GALNT13: variants seen among roughly 807,000 people sequenced by gnomAD.
GALNT13 encodes UDP-GalNAc:polypeptide N-acetylgalactosaminyltransferase 13.
Under a neutral mutation model 64.2 loss-of-function variants are expected in GALNT13, and 28 were observed. The observed-to-expected ratio is 0.44, with a 90% CI of 0.32 to 0.60. The LOEUF is 0.60. Among genes scored for constraint, GALNT13 ranks in the 20% least tolerant of loss-of-function variants. GALNT13 has a pLI of 0.05. For missense variants in GALNT13, 577 were observed against 669.8 expected (o/e 0.86, Z 1.53); for synonymous variants, 214 against 224.6 (o/e 0.95, Z 0.42).
At chr2:153,359,660 A>C in the GALNT13 span, among the ~76,000 whole-genome samples, 2 of 143,612 alleles carry the variant, frequency 1.4e-5, no homozygotes, top group African/African-American at 2.6e-5. Context: ...AAAAAAAAAA[A>C]AAAGTGACAT....
intron 3 of GALNT13, among the ~76,000 whole-genome samples, chr2:154,071,934 T>A (rs1700758822): frequency 6.6e-6 from 1 of 152,050 alleles, no homozygotes; most frequent in Non-Finnish European, 1.5e-5. Flanking sequence ...TGCCTTACAA[T>A]GAGAAAATAT....
At chr2:154,049,114 A>G (rs941735704) in intron 3 of GALNT13, among the ~76,000 whole-genome samples, 26 of 152,016 alleles carry the variant, frequency 1.7e-4, no homozygotes, top group African/African-American at 5.8e-4. Context: ...TTTGTAGTCC[A>G]TCAAAATGAT....
chr2:153,982,915 G>T (rs1694562439), intron 3 of GALNT13, among the ~76,000 whole-genome samples: 1 of 151,872 alleles, frequency 6.6e-6, no homozygotes, highest in Non-Finnish European at 1.5e-5. Flanking sequence ...AAGTTACCGG[G>T]TATATTTAAG....
At chr2:153,746,597 C>G in the GALNT13 span, among the ~76,000 whole-genome samples, 2 of 152,042 alleles carry the variant, frequency 1.3e-5, no homozygotes, top group Non-Finnish European at 2.9e-5. Flanking sequence ...CTGCTATGAA[C>G]ATTTTAGTAC....
intron 11 of GALNT13, among the ~76,000 whole-genome samples, chr2:154,429,945 T>G (rs988997038): frequency 6.6e-6 from 1 of 152,204 alleles, no homozygotes; most frequent in Non-Finnish European, 1.5e-5. Flanking sequence ...TGCAACATGG[T>G]GTACTAAATA....
chr2:154,390,402 A>T (rs367695182), intron 9 of GALNT13, among the ~76,000 whole-genome samples: 2 of 152,198 alleles, frequency 1.3e-5, no homozygotes, highest in African/African-American at 4.8e-5. Flanking sequence ...CCAATAGACT[A>T]CAGTGTGTAT....
the GALNT13 span, among the ~76,000 whole-genome samples, chr2:153,364,146 T>G: frequency 6.6e-6 from 1 of 152,328 alleles, no homozygotes; most frequent in East Asian, 1.9e-4. Flanking sequence ...ACCACATGAT[T>G]ATCTCAATAG....
At chr2:154,261,720 G>A (rs756562455) in intron 8 of GALNT13, among the ~76,000 whole-genome samples, 3 of 152,106 alleles carry the variant, frequency 2.0e-5, no homozygotes, top group Admixed American at 6.5e-5. Flanking sequence ...TGACAGAGAT[G>A]CGTAGGTGTT....
chr2:154,033,661 C>T (rs761556022), intron 3 of GALNT13, among the ~76,000 whole-genome samples: 5 of 152,196 alleles, frequency 3.3e-5, no homozygotes, highest in South Asian at 4.1e-4. Flanking sequence ...TGAAAGGGGC[C>T]GAGCGTGGTG....
At chr2:153,685,790 G>T in the GALNT13 span, among the ~76,000 whole-genome samples, 1 of 151,956 alleles carries the variant, frequency 6.6e-6, no homozygotes, top group Non-Finnish European at 1.5e-5. Flanking sequence ...AGGTTTTTAT[G>T]GTTTGGGGTT....
At chr2:153,814,217 G>A in the GALNT13 span, among the ~76,000 whole-genome samples, 1 of 152,198 alleles carries the variant, frequency 6.6e-6, no homozygotes, top group Middle Eastern at 3.4e-3. Context: ...GAGGTGGGCG[G>A]ATCACGAGGT....
At chr2:153,993,842 A>G (rs1185230471) in intron 3 of GALNT13, among the ~76,000 whole-genome samples, 1 of 152,144 alleles carries the variant, frequency 6.6e-6, no homozygotes, top group Non-Finnish European at 1.5e-5. Context: ...AACCATGATC[A>G]TGCTTCAAGT....
chr2:154,208,813 A>G (rs1318475243), intron 4 of GALNT13, among the ~76,000 whole-genome samples: 1 of 152,262 alleles, frequency 6.6e-6, no homozygotes, highest in Non-Finnish European at 1.5e-5. Flanking sequence ...GAAAGTATAT[A>G]TATTTTAATC....
intron 8 of GALNT13, among the ~76,000 whole-genome samples, chr2:154,285,314 T>C (rs1265912475): frequency 6.6e-6 from 1 of 152,194 alleles, no homozygotes; most frequent in Non-Finnish European, 1.5e-5. Context: ...ATGGAGTTTT[T>C]TCCCCATGTT....
At chr2:153,081,471 GT>G in the GALNT13 span, among the ~76,000 whole-genome samples, 1 of 152,038 alleles carries the variant, frequency 6.6e-6, no homozygotes, top group Non-Finnish European at 1.5e-5. Context: ...CATACTTTCT[GT>G]TTTTTCCTAC....
intron 8 of GALNT13, among the ~76,000 whole-genome samples, chr2:154,283,296 C>A (rs1013159068): frequency 6.6e-6 from 1 of 151,914 alleles, no homozygotes; most frequent in African/African-American, 2.4e-5. Flanking sequence ...TTCAAGTTTT[C>A]CCTTTACCAA....
the GALNT13 span, among the ~76,000 whole-genome samples, chr2:153,162,499 C>T: frequency 6.6e-6 from 1 of 152,220 alleles, no homozygotes; most frequent in East Asian, 1.9e-4. Context: ...ATTGGAAAAA[C>T]ATTTCGAATC....
chr2:153,759,192 G>GT, the GALNT13 span, among the ~76,000 whole-genome samples: 20 of 151,854 alleles, frequency 1.3e-4, no homozygotes, highest in African/African-American at 4.1e-4. Flanking sequence ...AGTTCTAACA[G>GT]TTTTTTTTGG....
chr2:153,520,650 C>A, the GALNT13 span, among the ~76,000 whole-genome samples: 1 of 152,130 alleles, frequency 6.6e-6, no homozygotes, highest in South Asian at 2.1e-4. Context: ...GGCGCATTGG[C>A]ACCTAACATT....
Sources: gnomAD v4.1 joint callset for allele counts (sites outside exome capture counted in the v4.1 genomes callset) on GRCh38, gnomAD v4.1.1 for gene constraint, MANE v1.5 for transcripts, NCBI Gene and HGNC (gene_info 2026-07-23, HGNC 2026-07-21) for gene names.